MYO1F: variants seen among roughly 807,000 people sequenced by gnomAD.
MYO1F encodes the protein myosin IF.
A neutral mutation model predicts 146.6 loss-of-function variants in MYO1F; 60 were observed. That is an observed-to-expected ratio of 0.41 (90% confidence interval 0.33 to 0.51). The LOEUF (loss-of-function observed/expected upper bound fraction) is 0.51, where lower values mean the gene tolerates loss of function less well. Ranked by LOEUF, MYO1F falls within the 20% of genes least tolerant of loss-of-function variation. MYO1F has a pLI of 0.25. For synonymous variants in MYO1F, 602 were observed against 602.1 expected, an observed-to-expected ratio of 1.00 and a Z score of 0.00; for missense variants, 1,274 against 1,534.3, an observed-to-expected ratio of 0.83 and a Z score of 2.83.
At position 8,560,028 on chromosome 19, in the gene MYO1F, T is replaced by G. The variant is rs1229985517; in HGVS notation, c.4-4232A>C. On this transcript the variant is annotated intron_variant, in intron 1 of 27. Transcript: ENST00000644032. ...CTGTGCCTGGTTTGGGGGATGTAGA[T>G]GGTTGATACTGGCAGCCATCATCAC... 2.0e-5 allele frequency among the ~76,000 whole-genome samples: 3 copies of G among 150,534 alleles called. No individual in the cohort carries two copies. In the East Asian group the frequency reaches 5.9e-4, roughly 30 times the overall value.
At chr19:8,550,017 CT>C in intron 10 of MYO1F, 142 bp downstream of exon 10, 1 of 942,502 alleles carries the variant, frequency 1.1e-6, no homozygotes, top group South Asian at 1.4e-5. Flanking sequence ...CCAGGCTGGT[CT>C]TGAACTTCTG....
intron 27 of MYO1F, among the ~76,000 whole-genome samples, chr19:8,521,862 C>G (rs931968081): frequency 1.1e-4 from 16 of 152,052 alleles, no homozygotes; most frequent in Non-Finnish European, 2.2e-4. Flanking sequence ...GCTAGGTTGC[C>G]CAGGCTTGTC....
At position 8,536,130 on chromosome 19, in the gene MYO1F, AATCT is replaced by A. The variant is rs1972697134; in HGVS notation, c.2043+118_2043+121del. ...CTCTCAATCTGTTTCTCAATTTCTCAATCTATCAGTCTTTCTCTCAATCTCTGTC... is the reference window on the plus strand; with the variant it reads ...CTCTCAATCTGTTTCTCAATTTCTCAATCAGTCTTTCTCTCAATCTCTGTC... On this transcript the variant is annotated intron_variant, in intron 19 of 27. Transcript: ENST00000644032. 11 of 1,257,128 alleles carry A rather than the reference AATCT, an allele frequency of 8.8e-6. No homozygotes were observed. In the South Asian group the frequency reaches 1.4e-4, roughly 16 times the overall value. The allele number at this position is 1,257,128 out of a possible 1,614,324, so 77.9% of individuals were successfully genotyped here.
In MYO1F at chr19:8,540,339, T is replaced by TTTTATTTA. The variant is rs144925962; in HGVS notation, c.1611-319_1611-312dup. 8.8e-3 allele frequency: 2,058 copies of TTTTATTTA among 232,854 alleles called. 47 individuals carry two copies. The highest frequency in any genetic ancestry group is 0.045 in the African/African-American group (1,957 of 43,866). 14.4% of individuals were successfully genotyped at this position (232,854 alleles called of 1,614,324 possible). ...GTACATTTCATTTCATTTTATCTTA[T>TTTTATTTA]TTTATTTATTTATTTATTTCCTTTA... On this transcript the variant is annotated intron_variant, in intron 15 of 27. Coordinates refer to ENST00000644032, the MANE Select transcript of MYO1F (RefSeq NM_012335.4).
Position 8,574,597 on chromosome 19 carries a change from CTTTCTT to C in MYO1F, c.3+2704_3+2709del, listed in dbSNP as rs1454364663. Reference sequence around the variant, plus strand: ...TTTCTTTCTCTCTCTCTCTCTCTCTCTTTCTTTCTTTCTTTCTTTCTTTCTTTCTTT... The same window carrying C: ...TTTCTTTCTCTCTCTCTCTCTCTCTCTCTTTCTTTCTTTCTTTCTTTCTTT... On this transcript the variant is annotated intron_variant, in intron 1 of 27. Transcript: ENST00000644032. Among the ~76,000 whole-genome samples, 474 of 64,690 alleles carry C rather than the reference CTTTCTT, an allele frequency of 7.3e-3. 3 individuals carry two copies. The highest frequency in any genetic ancestry group is 9.7e-3 in the African/African-American group (164 of 16,894). The allele number at this position is 64,690 out of a possible 152,430, so 42.4% of individuals were successfully genotyped here. A position where few individuals can be genotyped will look rare whatever the true frequency, so the allele number is the denominator to read the frequency against.
At chr19:8,545,952 C>T (rs905404996) in intron 12 of MYO1F, among the ~76,000 whole-genome samples, 4 of 152,076 alleles carry the variant, frequency 2.6e-5, no homozygotes, top group African/African-American at 9.7e-5. Context: ...GATAAATACC[C>T]CAGCTCCCTC....
At chr19:8,537,349 G>A (rs1041247550) in intron 16 of MYO1F, among the ~76,000 whole-genome samples, 1 of 152,184 alleles carries the variant, frequency 6.6e-6, no homozygotes. Context: ...CTCAGTAAAT[G>A]TTTGTTGACT....
Position 8,554,691 on chromosome 19 carries a change from T to G in MYO1F, c.194A>C (p.Tyr65Ser), listed in dbSNP as rs779696505. 6.2e-7 allele frequency: 1 copy of G among 1,613,598 alleles called. No individual in the cohort carries two copies. The highest frequency in any genetic ancestry group is 8.5e-7 in the Non-Finnish European group (1 of 1,179,966). Residue 65 changes from tyrosine to serine, a missense_variant, in exon 3 of 28, where the codon TAC becomes TCC. Transcript: ENST00000644032. ...ISVNPFKQMP[Y>S]FTDREIDLYQ... Reference sequence around the variant, plus strand: ...GAGGTCGATCTCACGGTCGGTGAAGTAGGGCATCTGCTTGAAGGGGTTTAC... The same window carrying G: ...GAGGTCGATCTCACGGTCGGTGAAGGAGGGCATCTGCTTGAAGGGGTTTAC...
At position 8,526,117 on chromosome 19, in the gene MYO1F, A is replaced by C. The variant is rs542095117; in HGVS notation, c.2770+336T>G. Among the ~76,000 whole-genome samples, 340 of 152,202 alleles carry C rather than the reference A, an allele frequency of 2.2e-3. 1 individual carries two copies. Among genetic ancestry groups the C allele is most frequent in the African/African-American group, 7.7e-3 (321 of 41,544 alleles). ...GCCGAGGCGGGTGGAGCATGAGGTA[A>C]TGAGTTCAAGACCAGCCTGGCCAAG... On this transcript the variant is annotated intron_variant, in intron 24 of 27. Coordinates refer to ENST00000644032, the MANE Select transcript of MYO1F (RefSeq NM_012335.4).
At chr19:8,535,638 T>A (rs1008441202) in intron 19 of MYO1F, among the ~76,000 whole-genome samples, 2 of 151,926 alleles carry the variant, frequency 1.3e-5, no homozygotes, top group African/African-American at 2.4e-5. Flanking sequence ...TTCCAGAGTG[T>A]CTCTCTCAAT....
chr19:8,553,838 C>G (rs1209464108), intron 4 of MYO1F, among the ~76,000 whole-genome samples: 2 of 149,392 alleles, frequency 1.3e-5, no homozygotes, highest in Non-Finnish European at 3.0e-5. Context: ...TGCCACTGCA[C>G]TCCAGCCTGG....
In MYO1F at chr19:8,540,042, G is replaced by C; in HGVS notation, c.1611-14C>G. ...CGGAGGAAGGCCCTGGGTAGGAAAG[G>C]GGAGAGGAGGAGTTGGAGGTATGGC... On this transcript the variant is annotated splice_polypyrimidine_tract_variant and intron_variant, in intron 15 of 27. Coordinates refer to ENST00000644032, the MANE Select transcript of MYO1F (RefSeq NM_012335.4). 6.2e-7 allele frequency: 1 copy of C among 1,604,460 alleles called. No homozygotes were observed. The highest frequency in any genetic ancestry group is 8.5e-7 in the Non-Finnish European group (1 of 1,173,276).
At chr19:8,560,328 CA>C (rs1386447961) in intron 1 of MYO1F, among the ~76,000 whole-genome samples, 1 of 151,054 alleles carries the variant, frequency 6.6e-6, no homozygotes, top group African/African-American at 2.4e-5. Context: ...ACTAAAAATA[CA>C]AAAAAAGTAG....
At chr19:8,549,764 CA>C (rs1194670108) in intron 10 of MYO1F, 3 of 260,352 alleles carry the variant, frequency 1.2e-5, no homozygotes, top group Non-Finnish European at 2.3e-5. Flanking sequence ...CTCAGCCTCC[CA>C]AAGTGCTGGG....
intron 1 of MYO1F, among the ~76,000 whole-genome samples, chr19:8,574,699 CTCTTTCTT>C (rs138541618): frequency 8.0e-5 from 11 of 137,654 alleles, no homozygotes; most frequent in Admixed American, 6.9e-4. Flanking sequence ...TTCTCTTTCT[CTCTTTCTT>C]TCTTTTTCTT....
chr19:8,523,615 T>C (rs1396043866), intron 25 of MYO1F, among the ~76,000 whole-genome samples: 2 of 152,190 alleles, frequency 1.3e-5, no homozygotes, highest in East Asian at 3.9e-4. Flanking sequence ...CCTCCCAACA[T>C]GCTGGTTTTA....
chr19:8,563,489 G>C (rs1219824649), intron 1 of MYO1F, among the ~76,000 whole-genome samples: 4 of 139,850 alleles, frequency 2.9e-5, no homozygotes, highest in Non-Finnish European at 6.1e-5. Context: ...AGTAGAGACA[G>C]GATTTTTCTT....
intron 13 of MYO1F, among the ~76,000 whole-genome samples, chr19:8,544,837 G>A (rs1235481327): frequency 2.6e-5 from 4 of 152,022 alleles, no homozygotes; most frequent in Non-Finnish European, 5.9e-5. Flanking sequence ...GAGCAGTGGC[G>A]TGATCTCAGC....
chr19:8,525,439 C>T, intron 25 of MYO1F, 40 bp downstream of exon 25: 1 of 1,570,338 alleles, frequency 6.4e-7, no homozygotes, highest in Non-Finnish European at 8.8e-7. Context: ...ATGGGACCCA[C>T]AACAGACAAG....
Sources: allele counts gnomAD v4.1 joint callset (sites outside exome capture counted in the v4.1 genomes callset), GRCh38; gene constraint gnomAD v4.1.1; transcripts MANE v1.5; gene names NCBI Gene and HGNC (gene_info 2026-07-23, HGNC 2026-07-21).